Variants in PFDN1 observed in about 807,000 individuals in gnomAD.
The protein encoded by PFDN1 is prefoldin 1.
In PFDN1, 6 loss-of-function variants were observed where a neutral mutation model predicts 17.3. That is an observed-to-expected ratio of 0.35 (90% CI 0.19 to 0.69). The LOEUF (loss-of-function observed/expected upper bound fraction) is 0.69. PFDN1 is among the 30% of genes least tolerant of loss of function. The pLI is 0.65. For synonymous variants in PFDN1, 58 were observed against 50.1 expected (o/e 1.16, Z -0.67); for missense variants, 113 against 146.2 (o/e 0.77, Z 1.17).
intron 2 of PFDN1, among the ~76,000 whole-genome samples, chr5:140,284,456 C>A (rs2126694863): frequency 6.6e-6 from 1 of 152,256 alleles, no homozygotes; most frequent in Middle Eastern, 3.4e-3. Flanking sequence ...GAAAAAAAGT[C>A]TTTGGAAAAC....
intron 3 of PFDN1, among the ~76,000 whole-genome samples, chr5:140,251,843 G>A (rs898574889): frequency 2.6e-5 from 4 of 152,068 alleles, no homozygotes; most frequent in African/African-American, 7.3e-5. Context: ...CTCTTACCAA[G>A]GAAAGAGGCT....
chr5:140,272,019 A>G (rs17412323), intron 3 of PFDN1, among the ~76,000 whole-genome samples: 42,960 of 115,094 alleles, frequency 0.37, 7,262 homozygotes, highest in African/African-American at 0.58. Flanking sequence ...CACATAAAAT[A>G]TATTTGTTGT....
At chr5:140,273,983 A>C in intron 3 of PFDN1, 1 of 542,510 alleles carries the variant, frequency 1.8e-6, no homozygotes, top group Non-Finnish European at 2.4e-6. Flanking sequence ...ATGTGTTCAA[A>C]TGTATCATTG....
chr5:140,270,788 T>C (rs1403564585), intron 3 of PFDN1, among the ~76,000 whole-genome samples: 4 of 151,772 alleles, frequency 2.6e-5, no homozygotes, highest in South Asian at 2.1e-4. Context: ...TAGCCGGGCG[T>C]GGTGGCGGGC....
rs200472451 is a variant in PFDN1 at position 140,283,864 on chromosome 5, CAT to C, written c.201-2333_201-2332del. 6.1e-3 allele frequency among the ~76,000 whole-genome samples: 922 copies of C among 152,232 alleles called. 5 individuals are homozygous for C. The highest frequency in any genetic ancestry group is 8.0e-3 in the Non-Finnish European group (547 of 68,012). On this transcript the variant is annotated intron_variant, in intron 2 of 3. Coordinates refer to ENST00000261813, the MANE Select transcript of PFDN1 (RefSeq NM_002622.5). ...CAAGAGTCACCAAATTATGTCATGA[CAT>C]GTGTGATTTTACTGAGAAAGTCTTT...
chr5:140,280,941 T>C (rs1765388286), intron 3 of PFDN1: 1 of 152,174 alleles, frequency 6.6e-6, no homozygotes, highest in Non-Finnish European at 1.5e-5. Flanking sequence ...ATTGTTCTCA[T>C]TGGAGCACCA....
chr5:140,283,838 G>A (rs1002627062), intron 2 of PFDN1, among the ~76,000 whole-genome samples: 9 of 152,172 alleles, frequency 5.9e-5, no homozygotes, highest in African/African-American at 2.2e-4. Flanking sequence ...AAAACAAGGT[G>A]CAAGAGTCAC....
intron 3 of PFDN1, among the ~76,000 whole-genome samples, chr5:140,272,165 G>A (rs1417424850): frequency 2.0e-5 from 3 of 151,434 alleles, no homozygotes; most frequent in East Asian, 1.9e-4. Flanking sequence ...GGCTACAGAC[G>A]CGTGCCACCA....
Position 140,280,001 on chromosome 5 carries a change from AAAAAAAAAAAAAC to A in PFDN1, c.285+1435_285+1447del, listed in dbSNP as rs1437041135. The stretch of plus-strand genomic sequence containing the variant: ...CAAGAGCGAAACTCCGTCTCAAAAA[AAAAAAAAAAAAAC>A]AAAAAAAGAAAAGAAAAGAAAAGAA... On this transcript the variant is annotated intron_variant, in intron 3 of 3. Transcript: ENST00000261813. Among the ~76,000 whole-genome samples the A allele has an allele frequency of 2.3e-3, 320 of 141,530 alleles. 7 individuals carry two copies. The highest frequency in any genetic ancestry group is 8.5e-3 in the African/African-American group (297 of 34,882). 92.8% of individuals were successfully genotyped at this position (141,530 alleles called of 152,430 possible).
intron 2 of PFDN1, among the ~76,000 whole-genome samples, chr5:140,286,030 G>C (rs186422669): frequency 1.4e-3 from 216 of 151,596 alleles, no homozygotes; most frequent in Admixed American, 2.5e-3. Context: ...AAACCAAACC[G>C]AAATTTAAAA....
At chr5:140,259,186 T>A (rs1765029500) in intron 3 of PFDN1, among the ~76,000 whole-genome samples, 1 of 152,142 alleles carries the variant, frequency 6.6e-6, no homozygotes, top group Non-Finnish European at 1.5e-5. Context: ...GAGCGCTACA[T>A]CAAGTGGCCT....
chr5:140,296,283 A>C (rs1765652341), intron 2 of PFDN1, among the ~76,000 whole-genome samples: 1 of 152,228 alleles, frequency 6.6e-6, no homozygotes, highest in Non-Finnish European at 1.5e-5. Context: ...GCCAGAAAAA[A>C]GAATCAGATT....
intron 3 of PFDN1, among the ~76,000 whole-genome samples, chr5:140,276,032 GAT>G (rs1194690434): frequency 6.6e-6 from 1 of 151,738 alleles, no homozygotes; most frequent in Non-Finnish European, 1.5e-5. Context: ...TGATGATGAT[GAT>G]GATGATGATG....
chr5:140,264,020 CAAAAAAAAAAAAAAAAAAAAAAA>C lies in PFDN1; in HGVS notation c.285+17406_285+17428del, dbSNP rs58605224. On this transcript the variant is annotated intron_variant, in intron 3 of 3. Coordinates refer to ENST00000261813, the MANE Select transcript of PFDN1 (RefSeq NM_002622.5). ...TGGGGGTCAGAGTGAGACTCCATCT[CAAAAAAAAAAAAAAAAAAAAAAA>C]AAAAAAAAAAAAAAAATCACGGTAG... 1.2e-3 allele frequency among the ~76,000 whole-genome samples: 66 copies of C among 55,570 alleles called. 2 individuals are homozygous for C. The highest frequency in any genetic ancestry group is 2.3e-3 in the African/African-American group (26 of 11,144). The allele number at this position is 55,570 out of a possible 152,430, so 36.5% of individuals were successfully genotyped here. A position where few individuals can be genotyped will look rare whatever the true frequency, so the allele number is the denominator to read the frequency against.
intron 3 of PFDN1, 97 bp downstream of exon 3, chr5:140,281,352 T>C: frequency 1.5e-6 from 1 of 646,038 alleles, no homozygotes. Context: ...TAATATGACA[T>C]TACTTTGGCA....
chr5:140,263,408 A>G (rs1765090242), intron 3 of PFDN1, among the ~76,000 whole-genome samples: 1 of 152,194 alleles, frequency 6.6e-6, no homozygotes, highest in African/African-American at 2.4e-5. Context: ...CCTAATCTTT[A>G]CTAATATTAA....
intron 3 of PFDN1, among the ~76,000 whole-genome samples, chr5:140,276,013 AATTG>A (rs1765285296): frequency 6.8e-6 from 1 of 147,742 alleles, no homozygotes; most frequent in Non-Finnish European, 1.5e-5. Context: ...TCAGAAGAGA[AATTG>A]ATGATGATGA....
intron 2 of PFDN1, among the ~76,000 whole-genome samples, chr5:140,292,522 T>C (rs775734979): frequency 4.6e-5 from 7 of 152,286 alleles, no homozygotes; most frequent in Non-Finnish European, 8.8e-5. Flanking sequence ...TAGACTCCTG[T>C]TGCTGTACCA....
rs1326258724 is a variant in PFDN1 at position 140,285,292 on chromosome 5, G to A, written c.201-3759C>T. 2.7e-5 allele frequency among the ~76,000 whole-genome samples: 4 copies of A among 150,618 alleles called. No homozygotes were observed. In the East Asian group the frequency reaches 5.9e-4, roughly 22 times the overall value. ...GAACCCGGGAGGTGGAGTTTGCAGT[G>A]AGCCGAGATCGCGCCACTGCACTCC... On this transcript the variant is annotated intron_variant, in intron 2 of 3. Coordinates refer to ENST00000261813, the MANE Select transcript of PFDN1 (RefSeq NM_002622.5).
Sources: allele counts gnomAD v4.1 joint callset (sites outside exome capture counted in the v4.1 genomes callset), GRCh38; gene constraint gnomAD v4.1.1; transcripts MANE v1.5; gene names NCBI Gene and HGNC (gene_info 2026-07-23, HGNC 2026-07-21).